Variants in CDH13 observed in about 807,000 individuals in gnomAD.
CDH13 encodes cadherin 13.
Under a neutral mutation model 63.8 loss-of-function variants are expected in CDH13, and 24 were observed. The observed-to-expected ratio is 0.38, with a 90% CI of 0.27 to 0.53. CDH13 has a LOEUF of 0.53. Among genes scored for constraint, CDH13 ranks in the 20% least tolerant of loss-of-function variants. CDH13 has a pLI of 0.85. For missense variants in CDH13, 1,049 were observed against 903.1 expected (o/e 1.16, Z -2.07); for synonymous variants, 503 against 355.3 (o/e 1.42, Z -4.67).
intron 1 of CDH13, among the ~76,000 whole-genome samples, chr16:82,810,568 G>A (rs529552740): frequency 1.3e-5 from 2 of 152,270 alleles, no homozygotes; most frequent in East Asian, 1.9e-4. Context: ...TAGCGTGGCC[G>A]TGGATGTGGG....
chr16:83,314,307 G>T (rs970690288), intron 5 of CDH13, among the ~76,000 whole-genome samples: 2 of 151,588 alleles, frequency 1.3e-5, no homozygotes, highest in African/African-American at 4.9e-5. Context: ...TCTTTCAAAT[G>T]TGTCTTAATG....
intron 6 of CDH13, among the ~76,000 whole-genome samples, chr16:83,408,491 AC>A (rs2151452939): frequency 6.6e-6 from 1 of 152,230 alleles, no homozygotes; most frequent in South Asian, 2.1e-4. Context: ...AATACTGTAA[AC>A]AATTATAACA....
At chr16:83,372,443 G>T (rs1410532118) in intron 6 of CDH13, among the ~76,000 whole-genome samples, 1 of 151,890 alleles carries the variant, frequency 6.6e-6, no homozygotes, top group Non-Finnish European at 1.5e-5. Flanking sequence ...GTTTTTCATG[G>T]GCCAGGTCTA....
intron 2 of CDH13, among the ~76,000 whole-genome samples, chr16:83,005,613 A>G (rs1913408759): frequency 6.6e-6 from 1 of 152,192 alleles, no homozygotes; most frequent in African/African-American, 2.4e-5. Flanking sequence ...TCCCAGGTAA[A>G]AAGGAGTTGT....
intron 5 of CDH13, among the ~76,000 whole-genome samples, chr16:83,229,909 G>C (rs562557312): frequency 1.3e-5 from 2 of 152,120 alleles, no homozygotes; most frequent in South Asian, 2.1e-4. Context: ...CTGGAGAGTC[G>C]CATCCTCGTT....
Position 83,220,677 on chromosome 16 carries a change from A to G in CDH13, c.636+3180A>G, listed in dbSNP as rs548461277. 3.0e-3 allele frequency among the ~76,000 whole-genome samples: 462 copies of G among 151,516 alleles called. 3 individuals carry two copies. The highest frequency in any genetic ancestry group is 9.1e-3 in the South Asian group (44 of 4,814). ...CAAGAAAAAAAAAGAAAAAGAAAAA[A>G]AAAAAAGGAGAGAGCCTGCAGGTGA... On this transcript the variant is annotated intron_variant, in intron 5 of 13. Transcript: ENST00000567109.
rs184896295 is a variant in CDH13, at chr16:83,087,984, T to C, written c.367-37401T>C. On this transcript the variant is annotated intron_variant, in intron 3 of 13. Transcript: ENST00000567109. ...TCATGCTTGGGACTGCCTCCGTCAG[T>C]GTGCAGCCTTCAGCGGCTACATTTG... 1.6e-3 allele frequency among the ~76,000 whole-genome samples: 250 copies of C among 152,258 alleles called. 1 individual carries two copies. The highest frequency in any genetic ancestry group is 3.1e-3 in the Non-Finnish European group (209 of 68,010).
intron 6 of CDH13, among the ~76,000 whole-genome samples, chr16:83,438,319 G>A (rs1319963953): frequency 6.6e-6 from 1 of 152,190 alleles, no homozygotes; most frequent in African/African-American, 2.4e-5. Context: ...GGGTGGAAGG[G>A]AACTGAAGCT....
At chr16:83,486,216 C>G (rs991866152) in intron 6 of CDH13, among the ~76,000 whole-genome samples, 2 of 152,146 alleles carry the variant, frequency 1.3e-5, no homozygotes, top group Middle Eastern at 3.4e-3. Context: ...CAGTGTATCA[C>G]CAGAGGGAAA....
chr16:83,796,598 T>G lies in CDH13; in HGVS notation c.*1568T>G, dbSNP rs1023284768. 2 of 152,204 alleles carry G rather than the reference T, an allele frequency of 1.3e-5. No homozygotes were observed. Among genetic ancestry groups the G allele is most frequent in the Non-Finnish European group, 2.9e-5 (2 of 68,048 alleles). The allele number at this position is 152,204 out of a possible 1,614,324, so 9.4% of individuals were successfully genotyped here. A position where few individuals can be genotyped will look rare whatever the true frequency, so the allele number is the denominator to read the frequency against. ...ATAAATGGGTATTGGTGGTTAAAAC[T>G]GCTGGACAGTAACTGTTCTCTGATT... On this transcript the variant is annotated 3_prime_UTR_variant, in exon 14 of 14. Coordinates refer to ENST00000567109, the MANE Select transcript of CDH13 (RefSeq NM_001257.5).
intron 13 of CDH13, among the ~76,000 whole-genome samples, chr16:83,786,594 ATTT>A (rs1192475177): frequency 7.1e-6 from 1 of 141,098 alleles, no homozygotes; most frequent in African/African-American, 2.7e-5. Context: ...TTACTTATTT[ATTT>A]ATTTTTTTGA....
chr16:83,468,451 G>T (rs1425254493), intron 6 of CDH13, among the ~76,000 whole-genome samples: 1 of 152,196 alleles, frequency 6.6e-6, no homozygotes, highest in Non-Finnish European at 1.5e-5. Flanking sequence ...GAAGCCTTCA[G>T]AACTGTGAGA....
intron 3 of CDH13, among the ~76,000 whole-genome samples, chr16:83,078,084 C>T (rs1351513158): frequency 6.6e-6 from 1 of 152,188 alleles, no homozygotes; most frequent in Non-Finnish European, 1.5e-5. Flanking sequence ...AGATGAGAGT[C>T]AGCTCAAATA....
chr16:83,754,684 C>G (rs1273884940), intron 11 of CDH13, among the ~76,000 whole-genome samples: 3 of 152,184 alleles, frequency 2.0e-5, no homozygotes, highest in African/African-American at 7.2e-5. Flanking sequence ...TCCTCATTCT[C>G]TCTTTGCCTG....
In CDH13 at chr16:82,898,392, G is replaced by A. The variant is rs534970748; in HGVS notation, c.157+39919G>A. ...ATACAAAAGTTAGCCGGGCATGCTG[G>A]CATGTGCCTGTAATTCCGGCTACTC... On this transcript the variant is annotated intron_variant, in intron 2 of 13. Coordinates refer to ENST00000567109, the MANE Select transcript of CDH13 (RefSeq NM_001257.5). Among the ~76,000 whole-genome samples the A allele has an allele frequency of 1.3e-5, 2 of 152,294 alleles. 1 individual carries two copies. Among genetic ancestry groups the A allele is most frequent in the South Asian group, 4.1e-4 (2 of 4,826 alleles).
intron 7 of CDH13, among the ~76,000 whole-genome samples, chr16:83,556,672 G>A (rs1384385540): frequency 6.6e-6 from 1 of 152,174 alleles, no homozygotes; most frequent in Non-Finnish European, 1.5e-5. Context: ...GGGACCTGGA[G>A]AGAAACAGAA....
At chr16:83,052,114 G>C (rs1445550243) in intron 3 of CDH13, among the ~76,000 whole-genome samples, 1 of 152,102 alleles carries the variant, frequency 6.6e-6, no homozygotes, top group Non-Finnish European at 1.5e-5. Flanking sequence ...CTTACTTCAT[G>C]AATGATCCGT....
At chr16:82,673,015 T>TTTA (rs1913472096) in intron 1 of CDH13, among the ~76,000 whole-genome samples, 1 of 142,580 alleles carries the variant, frequency 7.0e-6, no homozygotes, top group African/African-American at 2.6e-5. Flanking sequence ...TTTTTTTTTT[T>TTTA]TTTTGTAGAG....
At chr16:83,782,379 C>G (rs1915586585) in intron 12 of CDH13, among the ~76,000 whole-genome samples, 1 of 152,072 alleles carries the variant, frequency 6.6e-6, no homozygotes, top group Non-Finnish European at 1.5e-5. Flanking sequence ...GCTTAAAGAT[C>G]CAGTCTCTAT....
Sources: gnomAD v4.1 joint callset for allele counts (sites outside exome capture counted in the v4.1 genomes callset) on GRCh38, gnomAD v4.1.1 for gene constraint, MANE v1.5 for transcripts, NCBI Gene and HGNC (gene_info 2026-07-23, HGNC 2026-07-21) for gene names.